The following EIF3M variants were observed in gnomAD, a reference collection of about 807,000 sequenced individuals.
The protein encoded by EIF3M is B5 receptor.
EIF3M carries 25 observed loss-of-function variants against 49.7 expected under a neutral mutation model. That is an observed-to-expected ratio of 0.50 (90% CI 0.37 to 0.70). The LOEUF is 0.70. EIF3M is among the 30% of genes least tolerant of loss of function. The probability of loss-of-function intolerance (pLI) is 0.00; values close to 1 mark genes in which losing one functional copy is unlikely to be tolerated. For synonymous variants in EIF3M, 156 were observed against 149.8 expected (o/e 1.04, Z -0.30); for missense variants, 350 against 440.0 (o/e 0.80, Z 1.83).
chr11:32,602,313 T>C lies in EIF3M; in HGVS notation c.1039T>C (p.Trp347Arg). Residue 347 changes from tryptophan (W) to arginine (R), a missense_variant, in exon 11 of 11, where the codon TGG (tryptophan) becomes CGG (arginine). Physicochemically the swap from Trp to Arg is moderately radical, Grantham distance 101. Coordinates refer to ENST00000531120, the MANE Select transcript of EIF3M (RefSeq NM_006360.6). ...STHRTFGKQQWQQLYDTLNAW... is the reference protein window; with the variant it reads ...STHRTFGKQQRQQLYDTLNAW... ...ACATCGGACATTTGGAAAACAGCAG[T>C]GGCAACAACTGTATGACACACTTAA... 1 of 1,612,096 alleles carries C rather than the reference T, an allele frequency of 6.2e-7. No homozygotes were observed. The highest frequency in any genetic ancestry group is 1.7e-5 in the Admixed American group (1 of 59,970).
In EIF3M at chr11:32,603,793, G is replaced by A. The variant is rs1204340284; in HGVS notation, c.*1394G>A. 2 of 152,300 alleles carry A rather than the reference G, an allele frequency of 1.3e-5. No homozygotes were observed. The highest frequency in any genetic ancestry group is 4.8e-5 in the African/African-American group (2 of 41,538). 9.4% of individuals were successfully genotyped at this position (152,300 alleles called of 1,614,324 possible). The stretch of plus-strand genomic sequence containing the variant: ...AATTTTCTCTTCAAAAGGAATACTG[G>A]GCCAGGCACTGTGACTCATACCTGT... On this transcript the variant is annotated 3_prime_UTR_variant, in exon 11 of 11. Coordinates refer to ENST00000531120, the MANE Select transcript of EIF3M (RefSeq NM_006360.6).
At position 32,602,321 on chromosome 11, in the gene EIF3M, A is replaced by G; in HGVS notation, c.1047A>G (p.Gln349=). The change falls in exon 11 of 11, where the codon CAA becomes CAG. Residue 349 remains glutamine, a synonymous_variant. Coordinates refer to ENST00000531120, the MANE Select transcript of EIF3M (RefSeq NM_006360.6). ...CATTTGGAAAACAGCAGTGGCAACA[A>G]CTGTATGACACACTTAATGCCTGGA... The part of the protein sequence containing the change: ...HRTFGKQQWQ[Q]LYDTLNAWKQ... 6.2e-7 allele frequency: 1 copy of G among 1,612,500 alleles called. No individual in the cohort carries two copies.
chr11:32,588,160 G>A (rs948441828), intron 2 of EIF3M, among the ~76,000 whole-genome samples: 8 of 152,100 alleles, frequency 5.3e-5, no homozygotes, highest in Admixed American at 5.2e-4. Context: ...GGAGGCCGAG[G>A]CAGGTGGATC....
At chr11:32,595,467 C>G (rs1001329089) in intron 7 of EIF3M, among the ~76,000 whole-genome samples, 2 of 152,106 alleles carry the variant, frequency 1.3e-5, no homozygotes, top group African/African-American at 4.8e-5. Flanking sequence ...CCCCCTGACC[C>G]CAAATGATCT....
At chr11:32,585,528 G>A (rs1016436069) in intron 1 of EIF3M, among the ~76,000 whole-genome samples, 1 of 152,156 alleles carries the variant, frequency 6.6e-6, no homozygotes. Context: ...TGCTTATGCT[G>A]CTTCCACAAC....
intron 7 of EIF3M, among the ~76,000 whole-genome samples, chr11:32,595,269 A>C: frequency 6.6e-6 from 1 of 151,398 alleles, no homozygotes; most frequent in African/African-American, 2.4e-5. Context: ...CTCTGTCACC[A>C]GGCTGGAGTG....
Position 32,585,584 on chromosome 11 carries a change from A to G in EIF3M, c.43-1428A>G, listed in dbSNP as rs535603698. Among the ~76,000 whole-genome samples the G allele has an allele frequency of 3.3e-5, 5 of 152,344 alleles. No individual in the cohort carries two copies. In the South Asian group the frequency reaches 8.3e-4, roughly 25 times the overall value. ...ACAGAAAAACAGCAAACGTGGTTCAATAGTTCTTAGAAAAAGTTTGCTGTG... is the reference window on the plus strand; with the variant it reads ...ACAGAAAAACAGCAAACGTGGTTCAGTAGTTCTTAGAAAAAGTTTGCTGTG... On this transcript the variant is annotated intron_variant, in intron 1 of 10. Transcript: ENST00000531120.
chr11:32,593,975 G>A (rs778982286), intron 6 of EIF3M, 26 bp downstream of exon 6: 4 of 1,423,266 alleles, frequency 2.8e-6, no homozygotes, highest in Non-Finnish European at 3.7e-6. Context: ...ACTCTGATGA[G>A]GGTTTGACAG....
intron 6 of EIF3M, 63 bp from the exon 7 acceptor site, chr11:32,594,851 A>C: frequency 6.7e-7 from 1 of 1,493,022 alleles, no homozygotes; most frequent in Non-Finnish European, 9.2e-7. Context: ...TATGATCTGC[A>C]AAAACTCAAT....
intron 8 of EIF3M, 40 bp from the exon 9 acceptor site, chr11:32,600,649 A>T: frequency 6.6e-7 from 1 of 1,514,218 alleles, no homozygotes; most frequent in Non-Finnish European, 8.8e-7. Context: ...GTCTTTAATT[A>T]GTATGAACAC....
chr11:32,602,980 T>C lies in EIF3M; in HGVS notation c.*581T>C. On this transcript the variant is annotated 3_prime_UTR_variant, in exon 11 of 11. Coordinates refer to ENST00000531120, the MANE Select transcript of EIF3M (RefSeq NM_006360.6). The stretch of plus-strand genomic sequence containing the variant: ...TTTAGTCGTCTTGATTGCCTGCAAA[T>C]GGCTTTGTAGTGGAGTTGATATCAG... 1 of 1,613,364 alleles carries C rather than the reference T, an allele frequency of 6.2e-7. No homozygotes were observed. The highest frequency in any genetic ancestry group is 1.1e-5 in the South Asian group (1 of 90,798).
intron 3 of EIF3M, 64 bp downstream of exon 3, chr11:32,588,796 A>G (rs1241797699): frequency 1.9e-6 from 3 of 1,606,326 alleles, no homozygotes; most frequent in East Asian, 2.2e-5. Context: ...CTAACTTTTA[A>G]TGGTGCAGAG....
chr11:32,598,029 T>C (rs1855206305), intron 8 of EIF3M, among the ~76,000 whole-genome samples: 2 of 152,176 alleles, frequency 1.3e-5, no homozygotes, highest in South Asian at 4.1e-4. Context: ...AGTGTGTTTG[T>C]GTAGAAAGCT....
chr11:32,593,766 C>G (rs969406277), intron 5 of EIF3M, 100 bp from the exon 6 acceptor site: 1 of 714,458 alleles, frequency 1.4e-6, no homozygotes, highest in Non-Finnish European at 2.0e-6. Context: ...TCTTAGTCAC[C>G]GTTATAATGT....
rs369869761 is a variant in EIF3M at position 32,601,752 on chromosome 11, C to G, written c.944-10C>G. The G allele has an allele frequency of 3.7e-6, 6 of 1,609,336 alleles. No individual in the cohort carries two copies. In the East Asian group the frequency reaches 6.7e-5, roughly 18 times the overall value. On this transcript the variant is annotated splice_polypyrimidine_tract_variant and intron_variant, in intron 9 of 10. Transcript: ENST00000531120. ...CCATATAACATACGATATAAAACAT[C>G]TTTTTTCAGCCGTAAGAACTAAAAT...
Position 32,601,895 on chromosome 11 carries a change from A to G in EIF3M, c.1004+73A>G, listed in dbSNP as rs930769960. Reference sequence around the variant, plus strand: ...TTCCGATTATTTCACTTAAATGTTTAGAGAACCAAGGTGGTGTTATCACTT... The same window carrying G: ...TTCCGATTATTTCACTTAAATGTTTGGAGAACCAAGGTGGTGTTATCACTT... On this transcript the variant is annotated intron_variant, in intron 10 of 10. Transcript: ENST00000531120. 2.0e-6 allele frequency: 3 copies of G among 1,506,772 alleles called. No homozygotes were observed. The African/African-American group carries it at 4.2e-5, about 21-fold the overall frequency. 93.3% of individuals were successfully genotyped at this position (1,506,772 alleles called of 1,614,324 possible).
intron 2 of EIF3M, 44 bp downstream of exon 2, chr11:32,587,188 T>A: frequency 6.6e-7 from 1 of 1,520,228 alleles, no homozygotes; most frequent in Non-Finnish European, 8.8e-7. Context: ...TAAAATCTTT[T>A]AAATTTTTCT....
At chr11:32,600,618 A>G in intron 8 of EIF3M, 71 bp from the exon 9 acceptor site, 3 of 1,410,474 alleles carry the variant, frequency 2.1e-6, no homozygotes, top group Non-Finnish European at 2.8e-6. Flanking sequence ...CCACAGCTTA[A>G]CATGAGATGT....
chr11:32,589,857 T>G (rs1855072590), intron 5 of EIF3M, among the ~76,000 whole-genome samples: 1 of 152,212 alleles, frequency 6.6e-6, no homozygotes, highest in East Asian at 1.9e-4. Flanking sequence ...AAGTGAAATT[T>G]GGCTTTTTTT....
Sources: allele counts gnomAD v4.1 joint callset (sites outside exome capture counted in the v4.1 genomes callset), GRCh38; gene constraint gnomAD v4.1.1; transcripts MANE v1.5; gene names NCBI Gene and HGNC (gene_info 2026-07-23, HGNC 2026-07-21).